SPAG9: variants seen among roughly 807,000 people sequenced by gnomAD.
SPAG9 encodes C-Jun-amino-terminal kinase-interacting protein 4.
Under a neutral mutation model 166.5 loss-of-function variants are expected in SPAG9, and 35 were observed. The ratio of observed to expected loss-of-function variants is 0.21; its 90% confidence interval spans 0.16 to 0.28. The LOEUF is 0.28. Among genes scored for constraint, SPAG9 ranks in the 10% least tolerant of loss-of-function variants. The pLI is 1.00. For synonymous variants in SPAG9, 534 were observed against 565.5 expected (o/e 0.94, Z 0.79); for missense variants, 1,235 against 1,603.3 (o/e 0.77, Z 3.92).
In SPAG9 at chr17:50,963,369, C is replaced by T. The variant is rs1263922378; in HGVS notation, c.*2903G>A. ...ACCACGTTGACCAAAGTAAACATTACAAGAATATGAACTTGTTATTGGGGG... is the reference window on the plus strand; with the variant it reads ...ACCACGTTGACCAAAGTAAACATTATAAGAATATGAACTTGTTATTGGGGG... On this transcript the variant is annotated 3_prime_UTR_variant, in exon 30 of 30. Transcript: ENST00000262013. The T allele has an allele frequency of 6.6e-6, 1 of 152,080 alleles. No individual in the cohort carries two copies. Among genetic ancestry groups the T allele is most frequent in the Non-Finnish European group, 1.5e-5 (1 of 68,012 alleles). The allele number at this position is 152,080 out of a possible 1,614,324, so 9.4% of individuals were successfully genotyped here.
chr17:51,001,508 A>T (rs73986848), intron 13 of SPAG9, among the ~76,000 whole-genome samples: 7,358 of 152,234 alleles, frequency 0.048, 528 homozygotes, highest in African/African-American at 0.16. Context: ...GGTCGTAGTA[A>T]CATCCTCCAA....
At position 51,064,849 on chromosome 17, in the gene SPAG9, C is replaced by T. The variant is rs1308799023; in HGVS notation, c.425-8367G>A. 7.2e-5 allele frequency among the ~76,000 whole-genome samples: 11 copies of T among 152,204 alleles called. No individual in the cohort carries two copies. In the East Asian group the frequency reaches 1.2e-3, roughly 16 times the overall value. ...CAAAATGGTGAATTTTGGCCGGGTG[C>T]GGTGGCTCAGGCCTGTAATCCCAGC... On this transcript the variant is annotated intron_variant, in intron 2 of 29. Transcript: ENST00000262013.
intron 1 of SPAG9, among the ~76,000 whole-genome samples, chr17:51,118,571 C>G (rs1353752214): frequency 1.3e-5 from 2 of 152,158 alleles, no homozygotes; most frequent in African/African-American, 2.4e-5. Flanking sequence ...TGGTTAATTC[C>G]CAGTCACTTC....
chr17:51,093,596 G>A (rs1234035354), intron 1 of SPAG9, among the ~76,000 whole-genome samples: 3 of 150,128 alleles, frequency 2.0e-5, no homozygotes, highest in Non-Finnish European at 4.4e-5. Context: ...TCGGGAGGCT[G>A]AGGCAGGAGA....
intron 3 of SPAG9, among the ~76,000 whole-genome samples, chr17:51,052,651 A>G (rs992570638): frequency 3.9e-5 from 6 of 152,046 alleles, no homozygotes; most frequent in Admixed American, 2.6e-4. Context: ...AAAAAAAAGT[A>G]TATGTTTTCA....
chr17:50,997,031 T>C (rs754621574), intron 15 of SPAG9, among the ~76,000 whole-genome samples: 8 of 152,158 alleles, frequency 5.3e-5, no homozygotes, highest in Non-Finnish European at 8.8e-5. Flanking sequence ...TCCCAGCTAC[T>C]TGGGAGGCTG....
intron 3 of SPAG9, among the ~76,000 whole-genome samples, chr17:51,054,434 T>C (rs939755378): frequency 6.7e-6 from 1 of 148,610 alleles, no homozygotes; most frequent in African/African-American, 2.5e-5. Flanking sequence ...AAATGTGGGT[T>C]TTTTTGGCTT....
At chr17:51,029,424 T>C (rs1336559955) in intron 6 of SPAG9, among the ~76,000 whole-genome samples, 3 of 152,154 alleles carry the variant, frequency 2.0e-5, no homozygotes, top group African/African-American at 4.8e-5. Context: ...ACATTAAAAA[T>C]AGAACTACCA....
At chr17:51,052,340 T>C (rs994283039) in intron 3 of SPAG9, among the ~76,000 whole-genome samples, 4 of 152,154 alleles carry the variant, frequency 2.6e-5, no homozygotes, top group African/African-American at 9.7e-5. Flanking sequence ...AGAACAGATG[T>C]ATAAACAGAA....
In SPAG9 at chr17:51,007,288, T is replaced by C. The variant is rs770074841; in HGVS notation, c.1252A>G (p.Thr418Ala). ...REVENLILEN[T>A]QLLETKNALN... ...ACTTACTTGGTTTCCAACAGTTGTGTATTTTCTAATATAAGATTCTCAACT... is the reference window on the plus strand; with the variant it reads ...ACTTACTTGGTTTCCAACAGTTGTGCATTTTCTAATATAAGATTCTCAACT... The change falls in exon 10 of 30, where the codon ACA becomes GCA. Residue 418 changes from threonine (T) to alanine (A), a missense_variant. Around this residue, in one of 6 missense-constraint regions of SPAG9, gnomAD observed 125 missense variants for 194.0 expected, o/e 0.64. Coordinates refer to ENST00000262013, the MANE Select transcript of SPAG9 (RefSeq NM_001130528.3). 7.6e-6 allele frequency: 12 copies of C among 1,580,078 alleles called. No homozygotes were observed. Among genetic ancestry groups the C allele is most frequent in the Non-Finnish European group, 9.5e-6 (11 of 1,158,716 alleles).
At chr17:51,119,573 T>G (rs934375205) in intron 1 of SPAG9, among the ~76,000 whole-genome samples, 9 of 152,116 alleles carry the variant, frequency 5.9e-5, no homozygotes, top group African/African-American at 2.2e-4. Context: ...AATGCACGTA[T>G]AAACAGCAGT....
chr17:51,094,748 T>A (rs574121605), intron 1 of SPAG9, among the ~76,000 whole-genome samples: 1 of 152,226 alleles, frequency 6.6e-6, no homozygotes, highest in East Asian at 1.9e-4. Flanking sequence ...TACATTACAT[T>A]TGGATAATAT....
intron 13 of SPAG9, among the ~76,000 whole-genome samples, chr17:51,000,965 TA>T (rs1158007353): frequency 6.6e-6 from 1 of 152,168 alleles, no homozygotes; most frequent in African/African-American, 2.4e-5. Flanking sequence ...CAGCAAATTG[TA>T]AAATGATATG....
At chr17:51,054,538 A>G (rs1417493255) in intron 3 of SPAG9, among the ~76,000 whole-genome samples, 1 of 150,602 alleles carries the variant, frequency 6.6e-6, no homozygotes, top group Non-Finnish European at 1.5e-5. Flanking sequence ...CTGGGTTCAC[A>G]CCATTCTCCT....
intron 1 of SPAG9, among the ~76,000 whole-genome samples, chr17:51,113,367 A>G (rs1228124336): frequency 6.6e-6 from 1 of 150,468 alleles, no homozygotes; most frequent in Non-Finnish European, 1.5e-5. Flanking sequence ...AAAAAAAAAA[A>G]AAAAGAAAGA....
At chr17:51,037,065 A>G (rs1425958690) in intron 5 of SPAG9, among the ~76,000 whole-genome samples, 2 of 151,962 alleles carry the variant, frequency 1.3e-5, no homozygotes, top group Non-Finnish European at 2.9e-5. Flanking sequence ...TCACCTTAAC[A>G]TTTTGTCCAT....
At chr17:51,099,043 T>G (rs1355003001) in intron 1 of SPAG9, among the ~76,000 whole-genome samples, 1 of 141,976 alleles carries the variant, frequency 7.0e-6, no homozygotes, top group Admixed American at 7.7e-5. Flanking sequence ...GAGGCTGCAG[T>G]GAGCTGAGAT....
intron 21 of SPAG9, among the ~76,000 whole-genome samples, chr17:50,988,200 G>GGT: frequency 6.6e-6 from 1 of 151,896 alleles, no homozygotes; most frequent in Non-Finnish European, 1.5e-5. Flanking sequence ...TGGGTGACAG[G>GGT]GTGAGATTCC....
intron 1 of SPAG9, among the ~76,000 whole-genome samples, chr17:51,098,965 C>T (rs920919610): frequency 3.9e-5 from 6 of 151,964 alleles, no homozygotes; most frequent in Admixed American, 3.3e-4. Flanking sequence ...CCGAGTGTGG[C>T]GGCGCTTGCC....
Sources: allele counts gnomAD v4.1 joint callset (sites outside exome capture counted in the v4.1 genomes callset), GRCh38; gene constraint gnomAD v4.1.1; regional missense constraint gnomAD v4.1.1; transcripts MANE v1.5; gene names NCBI Gene and HGNC (gene_info 2026-07-23, HGNC 2026-07-21).